Variants in RAB6B observed in about 807,000 individuals in gnomAD.
The protein encoded by RAB6B is ras-related protein Rab-6B.
In RAB6B, 7 loss-of-function variants were observed where a neutral mutation model predicts 31.2. That is an observed-to-expected ratio of 0.22 (90% CI 0.13 to 0.42). RAB6B has a LOEUF of 0.42. Among genes scored for constraint, RAB6B ranks in the 10% least tolerant of loss-of-function variants. RAB6B has a pLI of 1.00. For missense variants in RAB6B, 149 were observed against 280.6 expected (o/e 0.53, Z 3.35); for synonymous variants, 105 against 104.9 (o/e 1.00, Z -0.01).
At chr3:133,887,212 T>C (rs1436057356) in intron 1 of RAB6B, among the ~76,000 whole-genome samples, 1 of 152,184 alleles carries the variant, frequency 6.6e-6, no homozygotes. Context: ...CTAATCATGG[T>C]TCCTCTCTGT....
intron 1 of RAB6B, among the ~76,000 whole-genome samples, chr3:133,893,175 C>T (rs1936659883): frequency 6.6e-6 from 1 of 152,228 alleles, no homozygotes; most frequent in Non-Finnish European, 1.5e-5. Flanking sequence ...ATAAGCCTGG[C>T]TGGACAGAAG....
chr3:133,891,762 G>A (rs1451640342), intron 1 of RAB6B, among the ~76,000 whole-genome samples: 1 of 152,204 alleles, frequency 6.6e-6, no homozygotes, highest in Non-Finnish European at 1.5e-5. Flanking sequence ...TCATTGCACA[G>A]CTCCAAGGAA....
At position 133,858,948 on chromosome 3, in the gene RAB6B, T is replaced by G. The variant is rs573318607; in HGVS notation, c.129+5636A>C. ...CAGTGGCCTACTTTAGAGGTAGGAA[T>G]GTAGCAAATATGTATGTATGTATGT... On this transcript the variant is annotated intron_variant, in intron 2 of 7. Coordinates refer to ENST00000285208, the MANE Select transcript of RAB6B (RefSeq NM_016577.4). 2.0e-5 allele frequency among the ~76,000 whole-genome samples: 3 copies of G among 152,280 alleles called. No individual in the cohort carries two copies. The East Asian group carries it at 5.8e-4, about 29-fold the overall frequency.
chr3:133,840,701 C>T (rs929314615), intron 4 of RAB6B, among the ~76,000 whole-genome samples: 7 of 152,158 alleles, frequency 4.6e-5, no homozygotes, highest in African/African-American at 1.4e-4. Flanking sequence ...GCCTCTGCCT[C>T]GGCCCCCCAC....
intron 6 of RAB6B, among the ~76,000 whole-genome samples, chr3:133,837,501 T>C (rs9840108): frequency 0.39 from 59,367 of 152,082 alleles, 12,324 homozygotes; most frequent in Non-Finnish European, 0.46. Flanking sequence ...CTGAGTGTCA[T>C]TGCCTACATT....
At chr3:133,882,191 G>A (rs1210722649) in intron 1 of RAB6B, among the ~76,000 whole-genome samples, 1 of 152,130 alleles carries the variant, frequency 6.6e-6, no homozygotes, top group Non-Finnish European at 1.5e-5. Flanking sequence ...CCCCCTCACA[G>A]GCCCTCTCTC....
intron 1 of RAB6B, among the ~76,000 whole-genome samples, chr3:133,878,758 C>T (rs1936429344): frequency 6.6e-6 from 1 of 152,190 alleles, no homozygotes; most frequent in Non-Finnish European, 1.5e-5. Context: ...CTGTCAGACG[C>T]TATGCAAACC....
At chr3:133,879,330 C>T (rs925244564) in intron 1 of RAB6B, among the ~76,000 whole-genome samples, 1 of 152,220 alleles carries the variant, frequency 6.6e-6, no homozygotes, top group Non-Finnish European at 1.5e-5. Context: ...ATTAAACATT[C>T]TGGTCAGCAT....
intron 7 of RAB6B, among the ~76,000 whole-genome samples, chr3:133,830,259 C>T (rs1935637100): frequency 6.6e-6 from 1 of 152,246 alleles, no homozygotes; most frequent in South Asian, 2.1e-4. Context: ...CCCTCTGAGC[C>T]CAGCCAGCTC....
intron 6 of RAB6B, among the ~76,000 whole-genome samples, chr3:133,835,182 A>T (rs2249322): frequency 6.6e-6 from 1 of 152,096 alleles, no homozygotes; most frequent in Non-Finnish European, 1.5e-5. Flanking sequence ...GAGTGTGAAC[A>T]CAATTTTGTG....
chr3:133,862,968 T>C (rs576057211), intron 2 of RAB6B, among the ~76,000 whole-genome samples: 2 of 152,294 alleles, frequency 1.3e-5, no homozygotes, highest in South Asian at 4.1e-4. Context: ...CAAAAATAAA[T>C]GAATACCAAG....
At chr3:133,884,078 G>T (rs1231092885) in intron 1 of RAB6B, among the ~76,000 whole-genome samples, 1 of 152,158 alleles carries the variant, frequency 6.6e-6, no homozygotes, top group Admixed American at 6.5e-5. Flanking sequence ...ACCTGGCACT[G>T]CTCAAAGAGG....
chr3:133,889,388 T>TTATATATA (rs5852771), intron 1 of RAB6B, among the ~76,000 whole-genome samples: 41 of 80,250 alleles, frequency 5.1e-4, no homozygotes, highest in South Asian at 1.2e-3. Context: ...GGTTATTTTG[T>TTATATATA]TATATATATA....
chr3:133,832,648 G>A (rs1414739540), intron 7 of RAB6B, among the ~76,000 whole-genome samples: 2 of 152,190 alleles, frequency 1.3e-5, no homozygotes, highest in Non-Finnish European at 2.9e-5. Context: ...CCTCTGCCTG[G>A]TCCCTCTGGG....
At chr3:133,837,583 A>G (rs1393496064) in intron 6 of RAB6B, among the ~76,000 whole-genome samples, 1 of 152,172 alleles carries the variant, frequency 6.6e-6, no homozygotes, top group Admixed American at 6.5e-5. Context: ...ATAAAGGTGC[A>G]ATGTTTTCCA....
At chr3:133,865,298 A>T (rs1936221900) in intron 1 of RAB6B, among the ~76,000 whole-genome samples, 1 of 152,222 alleles carries the variant, frequency 6.6e-6, no homozygotes, top group Non-Finnish European at 1.5e-5. Flanking sequence ...ACATCTGCAA[A>T]TGCCCTGTAG....
rs574281308 is a variant in RAB6B at position 133,830,344 on chromosome 3, C to T, written c.563-1492G>A. On this transcript the variant is annotated intron_variant, in intron 7 of 7. Transcript: ENST00000285208. The stretch of plus-strand genomic sequence containing the variant: ...ACACTCTGCTACAGAAACAAAGTGT[C>T]CACGGATTTCTCACTCTGGCATTTA... Among the ~76,000 whole-genome samples the T allele has an allele frequency of 2.0e-5, 3 of 152,346 alleles. No individual in the cohort carries two copies. The South Asian group carries it at 6.2e-4, about 32-fold the overall frequency.
intron 1 of RAB6B, among the ~76,000 whole-genome samples, chr3:133,882,996 T>C (rs140835896): frequency 6.6e-6 from 1 of 152,154 alleles, no homozygotes; most frequent in African/African-American, 2.4e-5. Flanking sequence ...ACAAGTAGGA[T>C]TTGCTAATAT....
At chr3:133,888,010 G>T (rs1338311740) in intron 1 of RAB6B, among the ~76,000 whole-genome samples, 1 of 152,142 alleles carries the variant, frequency 6.6e-6, no homozygotes, top group Non-Finnish European at 1.5e-5. Flanking sequence ...CCCTGCTCAG[G>T]GCCCCGCAGG....
Sources: gnomAD v4.1 joint callset for allele counts (sites outside exome capture counted in the v4.1 genomes callset) on GRCh38, gnomAD v4.1.1 for gene constraint, MANE v1.5 for transcripts, NCBI Gene and HGNC (gene_info 2026-07-23, HGNC 2026-07-21) for gene names.